The following LPA variants were observed in gnomAD, a reference collection of about 807,000 sequenced individuals.
LPA encodes apolipoprotein(a).
A neutral mutation model predicts 197.9 loss-of-function variants in LPA; 199 were observed. The ratio of observed to expected loss-of-function variants is 1.01; its 90% CI spans 0.90 to 1.13. LPA has a LOEUF of 1.13. Ranked by LOEUF, LPA falls within the 50% of genes most tolerant of loss-of-function variation. The pLI, the probability that LPA is intolerant of heterozygous loss-of-function variation, is 0.00. For synonymous variants in LPA, 715 were observed against 639.5 expected, an observed-to-expected ratio of 1.12 and a Z score of -1.78; for missense variants, 1,853 against 1,785.8, an observed-to-expected ratio of 1.04 and a Z score of -0.68.
intron 8 of LPA, among the ~76,000 whole-genome samples, chr6:160,631,802 G>C (rs559583396): frequency 1.2e-3 from 178 of 150,424 alleles, no homozygotes; most frequent in African/African-American, 4.2e-3. Context: ...TCCGGTATTT[G>C]TTTCTATTCC....
At position 160,533,156 on chromosome 6, in the gene LPA, T is replaced by C. The variant is rs185161442; in HGVS notation, c.5843-507A>G. Reference sequence around the variant, plus strand: ...CTGCTTAATGGGCATGAGGTTTCCTTTGGGGATGAGAAAAATGTCCTGGAA... The same window carrying C: ...CTGCTTAATGGGCATGAGGTTTCCTCTGGGGATGAGAAAAATGTCCTGGAA... On this transcript the variant is annotated intron_variant, in intron 37 of 38. Transcript: ENST00000316300. Among the ~76,000 whole-genome samples the C allele has an allele frequency of 3.0e-4, 46 of 152,306 alleles. No individual in the cohort carries two copies. The East Asian group carries it at 4.2e-3, about 14-fold the overall frequency.
intron 30 of LPA, among the ~76,000 whole-genome samples, chr6:160,551,204 T>C (rs1185798736): frequency 6.6e-6 from 1 of 152,226 alleles, no homozygotes; most frequent in Non-Finnish European, 1.5e-5. Context: ...GTGACATCAG[T>C]TACTGTGGTG....
At chr6:160,583,727 A>G (rs1332778735) in intron 26 of LPA, among the ~76,000 whole-genome samples, 2 of 152,048 alleles carry the variant, frequency 1.3e-5, no homozygotes, top group Admixed American at 1.3e-4. Context: ...ATACTTTCTC[A>G]TTATTACCTA....
intron 24 of LPA, 79 bp from the exon 25 acceptor site, chr6:160,586,709 T>C: frequency 1.3e-6 from 2 of 1,599,240 alleles, no homozygotes; most frequent in Non-Finnish European, 1.7e-6. Flanking sequence ...TGTTTTCTTG[T>C]AACAAAGTGT....
intron 1 of LPA, among the ~76,000 whole-genome samples, chr6:160,652,649 T>C (rs1393737891): frequency 6.6e-6 from 1 of 152,106 alleles, no homozygotes; most frequent in Non-Finnish European, 1.5e-5. Context: ...ATTCAAAATA[T>C]TTGTAGTCAT....
At chr6:160,577,045 T>G in intron 28 of LPA, 91 bp downstream of exon 28, 1 of 1,507,148 alleles carries the variant, frequency 6.6e-7, no homozygotes, top group Non-Finnish European at 9.2e-7. Context: ...TAAGAGAAAT[T>G]TGTCCCTAGG....
rs937730340 is a variant in LPA at position 160,538,043 on chromosome 6, GC to G, written c.5736-83del. 14 of 1,143,398 alleles carry G rather than the reference GC, an allele frequency of 1.2e-5. No homozygotes were observed. In the African/African-American group the frequency reaches 1.4e-4, roughly 11 times the overall value. 70.8% of individuals were successfully genotyped at this position (1,143,398 alleles called of 1,614,324 possible). On this transcript the variant is annotated intron_variant, in intron 36 of 38. Transcript: ENST00000316300. ...TACAACCAGGCATCCCTGCCTTGAA[GC>G]CCCAGAGCCCTCTGAGCTGGCACTG...
chr6:160,648,991 T>G (rs1330144513), intron 2 of LPA, among the ~76,000 whole-genome samples: 1 of 152,212 alleles, frequency 6.6e-6, no homozygotes, highest in African/African-American at 2.4e-5. Flanking sequence ...ACACTGTGGA[T>G]ACTGCATAGC....
chr6:160,576,340 G>GTATATATA (rs71542980), intron 28 of LPA, among the ~76,000 whole-genome samples: 2 of 40,396 alleles, frequency 5.0e-5, no homozygotes, highest in Non-Finnish European at 8.9e-5. Flanking sequence ...GTGTGTGTGT[G>GTATATATA]TATATATATA....
chr6:160,584,563 C>T (rs1357146945), intron 26 of LPA, among the ~76,000 whole-genome samples: 2 of 152,002 alleles, frequency 1.3e-5, no homozygotes, highest in African/African-American at 4.8e-5. Context: ...AACTCCTGAC[C>T]TCTGGTGATC....
intron 37 of LPA, among the ~76,000 whole-genome samples, chr6:160,535,957 A>G (rs898711656): frequency 6.6e-6 from 1 of 152,124 alleles, no homozygotes; most frequent in Non-Finnish European, 1.5e-5. Flanking sequence ...TACCTCCCAT[A>G]ATCCTCTTGA....
intron 28 of LPA, among the ~76,000 whole-genome samples, chr6:160,565,840 T>C (rs1778443088): frequency 6.6e-6 from 1 of 152,100 alleles, no homozygotes; most frequent in Non-Finnish European, 1.5e-5. Context: ...TTAAATGATC[T>C]AATGGAGCTG....
At chr6:160,557,051 C>T (rs1778276199) in intron 29 of LPA, among the ~76,000 whole-genome samples, 1 of 152,100 alleles carries the variant, frequency 6.6e-6, no homozygotes, top group Non-Finnish European at 1.5e-5. Context: ...GAACACTGTC[C>T]ATTTTAATAA....
chr6:160,650,266 C>G (rs1779978544), intron 2 of LPA, 72 bp downstream of exon 2: 3 of 1,501,684 alleles, frequency 2.0e-6, no homozygotes, highest in African/African-American at 1.4e-5. Context: ...AAGAAGTTAG[C>G]TTGACGCACA....
intron 2 of LPA, among the ~76,000 whole-genome samples, chr6:160,647,451 G>A (rs770177426): frequency 6.6e-6 from 1 of 151,998 alleles, no homozygotes; most frequent in African/African-American, 2.4e-5. Context: ...TGTCTCTAGT[G>A]GCTCTACACA....
intron 1 of LPA, among the ~76,000 whole-genome samples, chr6:160,657,769 A>G (rs924321464): frequency 6.6e-6 from 1 of 152,144 alleles, no homozygotes; most frequent in African/African-American, 2.4e-5. Context: ...GGCCAAACCA[A>G]TAAATTCAGC....
intron 26 of LPA, among the ~76,000 whole-genome samples, chr6:160,582,636 C>T (rs1778822964): frequency 6.6e-6 from 1 of 152,030 alleles, no homozygotes; most frequent in Non-Finnish European, 1.5e-5. Flanking sequence ...TGATTATGGA[C>T]AATTTAATTA....
At chr6:160,594,525 G>T (rs984371680) in intron 21 of LPA, among the ~76,000 whole-genome samples, 2 of 152,182 alleles carry the variant, frequency 1.3e-5, no homozygotes, top group Non-Finnish European at 2.9e-5. Context: ...CATTTCCCTA[G>T]ACTGCTGATC....
chr6:160,547,488 T>C (rs1778091330), intron 32 of LPA, among the ~76,000 whole-genome samples: 1 of 151,984 alleles, frequency 6.6e-6, no homozygotes, highest in African/African-American at 2.4e-5. Context: ...CCACAGATAA[T>C]TACCAGTTCC....
Sources: allele counts gnomAD v4.1 joint callset (sites outside exome capture counted in the v4.1 genomes callset), GRCh38; gene constraint gnomAD v4.1.1; transcripts MANE v1.5; gene names NCBI Gene and HGNC (gene_info 2026-07-23, HGNC 2026-07-21).